The following HIPK3 variants were observed in gnomAD, a reference collection of about 807,000 sequenced individuals.
The protein encoded by HIPK3 is homeodomain interacting protein kinase 3, also known as homeodomain-interacting protein kinase 3.
HIPK3 carries 47 observed loss-of-function variants against 124.2 expected under a neutral mutation model. The observed-to-expected ratio is 0.38, with a 90% CI of 0.30 to 0.48. HIPK3 has a LOEUF of 0.48. Ranked by LOEUF, HIPK3 falls within the 20% of genes least tolerant of loss-of-function variation. The pLI is 0.98. For synonymous variants in HIPK3, 482 were observed against 515.2 expected (o/e 0.94, Z 0.87); for missense variants, 1,286 against 1,454.3 (o/e 0.88, Z 1.88).
intron 8 of HIPK3, among the ~76,000 whole-genome samples, chr11:33,343,142 G>A (rs1399299086): frequency 6.6e-6 from 1 of 152,006 alleles, no homozygotes; most frequent in Non-Finnish European, 1.5e-5. Flanking sequence ...TTGTAGGCTA[G>A]CCTGTTTACT....
chr11:33,346,739 G>A (rs752889145), intron 8 of HIPK3, among the ~76,000 whole-genome samples: 4 of 152,014 alleles, frequency 2.6e-5, no homozygotes, highest in African/African-American at 4.8e-5. Flanking sequence ...AAATTAAATC[G>A]TTCAACTTTG....
rs576410622 is a variant in HIPK3, at chr11:33,307,075, A to G, written c.1097+19564A>G. 3.3e-5 allele frequency among the ~76,000 whole-genome samples: 5 copies of G among 151,476 alleles called. No homozygotes were observed. In the South Asian group the frequency reaches 1.0e-3, roughly 32 times the overall value. ...CTTCCTCACATCCCCAGTGGCTGGG[A>G]TTATAGGCATCCGCCACCATGCCTG... On this transcript the variant is annotated intron_variant, in intron 2 of 16. Coordinates refer to ENST00000303296, the MANE Select transcript of HIPK3 (RefSeq NM_005734.5).
Position 33,314,873 on chromosome 11 carries a change from TAGTC to T in HIPK3, c.1098-13634_1098-13631del, listed in dbSNP as rs1161541615. Among the ~76,000 whole-genome samples, 4 of 152,350 alleles carry T rather than the reference TAGTC, an allele frequency of 2.6e-5. No homozygotes were observed. In the South Asian group the frequency reaches 6.2e-4, roughly 24 times the overall value. ...ACATTATAATTTTAAATATACTTCATAGTCAGATAAATTTAAGACATAATTGGAT... is the reference window on the plus strand; with the variant it reads ...ACATTATAATTTTAAATATACTTCATAGATAAATTTAAGACATAATTGGAT... On this transcript the variant is annotated intron_variant, in intron 2 of 16. Coordinates refer to ENST00000303296, the MANE Select transcript of HIPK3 (RefSeq NM_005734.5).
At chr11:33,328,718 A>T (rs1852882948) in intron 3 of HIPK3, 85 bp downstream of exon 3, 2 of 1,161,990 alleles carry the variant, frequency 1.7e-6, no homozygotes, top group Non-Finnish European at 1.2e-6. Flanking sequence ...GCAGGTGTAC[A>T]ATACACTGGA....
chr11:33,293,311 A>C (rs945765539), intron 2 of HIPK3, among the ~76,000 whole-genome samples: 3 of 152,166 alleles, frequency 2.0e-5, no homozygotes, highest in Non-Finnish European at 2.9e-5. Context: ...CAATCAATTA[A>C]AATTTTAAGT....
intron 1 of HIPK3, among the ~76,000 whole-genome samples, chr11:33,279,950 C>G (rs1490768375): frequency 6.6e-6 from 1 of 152,130 alleles, no homozygotes; most frequent in Non-Finnish European, 1.5e-5. Context: ...GTGATCTACA[C>G]CTCCCAAAGT....
chr11:33,297,541 T>A (rs1851874828), intron 2 of HIPK3, among the ~76,000 whole-genome samples: 1 of 152,122 alleles, frequency 6.6e-6, no homozygotes, highest in Admixed American at 6.5e-5. Context: ...AGATGGAAAC[T>A]AGCAGAGGTT....
intron 2 of HIPK3, among the ~76,000 whole-genome samples, chr11:33,307,586 T>G (rs1166261821): frequency 6.6e-6 from 1 of 151,528 alleles, no homozygotes; most frequent in African/African-American, 2.4e-5. Context: ...TTTTGTATTT[T>G]TAGTAGAGAC....
At chr11:33,294,426 C>G (rs1851786267) in intron 2 of HIPK3, among the ~76,000 whole-genome samples, 1 of 152,078 alleles carries the variant, frequency 6.6e-6, no homozygotes, top group South Asian at 2.1e-4. Context: ...CCACCCTCAC[C>G]TACCCACCCA....
At chr11:33,298,809 T>C (rs954996116) in intron 2 of HIPK3, among the ~76,000 whole-genome samples, 4 of 152,126 alleles carry the variant, frequency 2.6e-5, no homozygotes, top group African/African-American at 9.6e-5. Context: ...ACTGACTTGC[T>C]GCAATCTGAC....
At chr11:33,267,355 C>T (rs898215070) in intron 1 of HIPK3, among the ~76,000 whole-genome samples, 1 of 151,928 alleles carries the variant, frequency 6.6e-6, no homozygotes, top group Non-Finnish European at 1.5e-5. Context: ...TCAGGTGATC[C>T]GCCCACCTTT....
intron 2 of HIPK3, among the ~76,000 whole-genome samples, chr11:33,311,848 A>ACC (rs1852348473): frequency 6.8e-6 from 1 of 147,762 alleles, no homozygotes. Flanking sequence ...ACACACACAC[A>ACC]CACACACACA....
intron 1 of HIPK3, among the ~76,000 whole-genome samples, chr11:33,262,108 A>G (rs1850842532): frequency 6.6e-6 from 1 of 152,204 alleles, no homozygotes; most frequent in Non-Finnish European, 1.5e-5. Context: ...CTAATACTTA[A>G]GCACCTTATA....
intron 5 of HIPK3, 47 bp downstream of exon 5, chr11:33,338,890 G>T: frequency 7.5e-7 from 1 of 1,333,612 alleles, no homozygotes; most frequent in South Asian, 1.2e-5. Flanking sequence ...TTAGATGGTA[G>T]ACTTGAATGC....
upstream of HIPK3, chr11:33,257,251 A>G (rs1219194249): frequency 1.0e-6 from 1 of 983,214 alleles, no homozygotes; most frequent in Non-Finnish European, 1.2e-6. Context: ...GGCTTCACGG[A>G]GGCGCCGCGG....
At chr11:33,279,535 T>C in intron 1 of HIPK3, among the ~76,000 whole-genome samples, 1 of 152,162 alleles carries the variant, frequency 6.6e-6, no homozygotes. Context: ...CCACTATGGT[T>C]AGCAATGATC....
chr11:33,335,778 A>G (rs1177795798), intron 3 of HIPK3: 2 of 151,786 alleles, frequency 1.3e-5, no homozygotes, highest in Non-Finnish European at 2.9e-5. Flanking sequence ...TTAAAAAAAC[A>G]TCTTTGCACT....
intron 1 of HIPK3, among the ~76,000 whole-genome samples, chr11:33,273,600 T>C (rs190459372): frequency 1.1e-4 from 16 of 151,400 alleles, no homozygotes; most frequent in Admixed American, 9.9e-4. Flanking sequence ...AAGTGGAATG[T>C]CTGGCAACTA....
At chr11:33,342,616 G>A (rs266469) in intron 8 of HIPK3, among the ~76,000 whole-genome samples, 1 of 150,884 alleles carries the variant, frequency 6.6e-6, no homozygotes, top group African/African-American at 2.4e-5. Context: ...CTATCTCGGC[G>A]CACTGCAACC....
Sources: allele counts gnomAD v4.1 joint callset (sites outside exome capture counted in the v4.1 genomes callset), GRCh38; gene constraint gnomAD v4.1.1; transcripts MANE v1.5; gene names NCBI Gene and HGNC (gene_info 2026-07-23, HGNC 2026-07-21).